SLC30A3: variants seen among roughly 807,000 people sequenced by gnomAD.
SLC30A3 encodes probable proton-coupled zinc antiporter SLC30A3.
A neutral mutation model predicts 35.6 loss-of-function variants in SLC30A3; 20 were observed. The observed-to-expected ratio is 0.56, with a 90% CI of 0.39 to 0.82. SLC30A3 has a LOEUF of 0.82. Ranked by LOEUF, SLC30A3 falls within the 40% of genes least tolerant of loss-of-function variation. The pLI, the probability that SLC30A3 is intolerant of heterozygous loss-of-function variation, is 0.00. For synonymous variants in SLC30A3, 217 were observed against 224.7 expected (o/e 0.97, Z 0.31); for missense variants, 401 against 530.6 (o/e 0.76, Z 2.40).
intron 1 of SLC30A3, among the ~76,000 whole-genome samples, chr2:27,272,557 G>A (rs1185686500): frequency 6.7e-6 from 1 of 149,606 alleles, no homozygotes. Context: ...GTAATGGCAC[G>A]ATCTCGGCTC....
chr2:27,258,859 C>T lies in SLC30A3; in HGVS notation c.171G>A (p.Arg57=). 1 of 1,614,092 alleles carries T rather than the reference C, an allele frequency of 6.2e-7. No individual in the cohort carries two copies. The stretch of plus-strand genomic sequence containing the variant: ...TAAGGCCCGGCGGCGGAAGGGGGTC[C>T]CTGTGGCAGTGGTGGAAGGGCATCT... The part of the protein sequence containing the change: ...PVEMPFHHCH[R]DPLPPPGLTP... The change falls in exon 2 of 8, where the codon AGG becomes AGA. Residue 57 remains arginine, a synonymous_variant. Transcript: ENST00000233535. The surrounding 1 kb of genome is among the most constrained non-coding windows in gnomAD (Gnocchi z 4.0).
At chr2:27,267,969 G>T (rs1436997200), upstream of SLC30A3, among the ~76,000 whole-genome samples, 1 of 150,850 alleles carries the variant, frequency 6.6e-6, no homozygotes, top group Non-Finnish European at 1.5e-5. Flanking sequence ...AAAAAACACT[G>T]AAACCTCTCC....
chr2:27,263,063 C>T (rs1322588997), upstream of SLC30A3: 9 of 1,359,844 alleles, frequency 6.6e-6, no homozygotes, highest in Non-Finnish European at 8.5e-6. Context: ...GCGCGGAGTC[C>T]GAACTGCAGA....
intron 6 of SLC30A3, 37 bp from the exon 7 acceptor site, chr2:27,256,557 T>C: frequency 6.2e-7 from 1 of 1,612,330 alleles, no homozygotes; most frequent in Non-Finnish European, 8.5e-7. Context: ...CTGCTAGGGC[T>C]ACTCCTGCCC....
At position 27,262,728 on chromosome 2, in the gene SLC30A3, G is replaced by A. The variant is rs898794444; in HGVS notation, c.95+84C>T. ...GCGGTGCGCTGGGGCGGCCGCCGGG[G>A]CCCGCGCCGAGAGAGACAACGAAAT... On this transcript the variant is annotated intron_variant, in intron 1 of 7. Coordinates refer to ENST00000233535, the MANE Select transcript of SLC30A3 (RefSeq NM_003459.5). The surrounding 1 kb of genome is among the most constrained non-coding windows in gnomAD (Gnocchi z 7.5). 39 of 1,329,526 alleles carry A rather than the reference G, an allele frequency of 2.9e-5. No individual in the cohort carries two copies. The highest frequency in any genetic ancestry group is 2.0e-4 in the African/African-American group (13 of 63,840). The allele number at this position is 1,329,526 out of a possible 1,614,324, so 82.4% of individuals were successfully genotyped here. A position where few individuals can be genotyped will look rare whatever the true frequency, so the allele number is the denominator to read the frequency against.
At position 27,257,217 on chromosome 2, in the gene SLC30A3, G is replaced by A. The variant is rs766058188; in HGVS notation, c.714C>T (p.His238=). 8.7e-6 allele frequency: 14 copies of A among 1,613,960 alleles called. No individual in the cohort carries two copies. Among genetic ancestry groups the A allele is most frequent in the African/African-American group, 8.0e-5 (6 of 74,888 alleles). ...GNTSVRAAFV[H]VLGDLLQSFG... ...AGCTCTGCAGGAGGTCCCCCAGCACGTGCACAAATGCCGCCCGGACGCTGG... is the reference window on the plus strand; with the variant it reads ...AGCTCTGCAGGAGGTCCCCCAGCACATGCACAAATGCCGCCCGGACGCTGG... The change falls in exon 5 of 8, where the codon CAC becomes CAT. Residue 238 remains histidine (H), a synonymous_variant. Coordinates refer to ENST00000233535, the MANE Select transcript of SLC30A3 (RefSeq NM_003459.5). The surrounding 1 kb of genome is among the most constrained non-coding windows in gnomAD (Gnocchi z 4.7).
chr2:27,264,333 A>G (rs1010407783), upstream of SLC30A3, among the ~76,000 whole-genome samples: 1 of 152,216 alleles, frequency 6.6e-6, no homozygotes, highest in African/African-American at 2.4e-5. The surrounding 1 kb of genome is among the most constrained non-coding windows in gnomAD (Gnocchi z 6.1). Context: ...CCAAGAGTGC[A>G]CTTGCAAAAA....
Position 27,254,923 on chromosome 2 carries a change from C to G in SLC30A3, c.*389G>C, listed in dbSNP as rs928935407. The G allele has an allele frequency of 3.1e-5, 16 of 516,156 alleles. No homozygotes were observed. In the African/African-American group the frequency reaches 3.2e-4, roughly 10 times the overall value. 32.0% of individuals were successfully genotyped at this position (516,156 alleles called of 1,614,324 possible). A position where few individuals can be genotyped will look rare whatever the true frequency, so the allele number is the denominator to read the frequency against. ...CCTCCCCCAGGCATAGGCACACCAA[C>G]AGCACATAGACAGGCAGATGCCCCC... is the stretch of plus-strand genomic sequence containing the variant. On this transcript the variant is annotated 3_prime_UTR_variant, in exon 8 of 8. Coordinates refer to ENST00000233535, the MANE Select transcript of SLC30A3 (RefSeq NM_003459.5).
intron 1 of SLC30A3, among the ~76,000 whole-genome samples, chr2:27,270,011 T>TGGTGGGTTAAACAGAAAGA (rs1677665850): frequency 6.6e-6 from 1 of 152,068 alleles, no homozygotes; most frequent in African/African-American, 2.4e-5. Context: ...AGAAGATAGT[T>TGGTGGGTTAAACAGAAAGA]GGTGGGTTAA....
chr2:27,259,990 G>A (rs1414435145), intron 1 of SLC30A3, among the ~76,000 whole-genome samples: 1 of 152,114 alleles, frequency 6.6e-6, no homozygotes, highest in Non-Finnish European at 1.5e-5. Context: ...CTTGAAGGAT[G>A]GGAAGGATTT....
chr2:27,256,159 C>A (rs750888427), intron 7 of SLC30A3: 27 of 567,240 alleles, frequency 4.8e-5, no homozygotes, highest in Non-Finnish European at 7.2e-5. Flanking sequence ...GAGGGTGAAA[C>A]TGCCCCCAGA....
In SLC30A3 at chr2:27,257,392, C is replaced by T. The variant is rs943657629; in HGVS notation, c.579-40G>A. 1.3e-6 allele frequency: 2 copies of T among 1,555,222 alleles called. No individual in the cohort carries two copies. Among genetic ancestry groups the T allele is most frequent in the Non-Finnish European group, 1.7e-6 (2 of 1,145,604 alleles). Reference sequence around the variant, plus strand: ...GAGCACCTCAGCCTAGGGCCCTGCTCCTGGCCTCCTATACCCCCATCTCCA... The same window carrying T: ...GAGCACCTCAGCCTAGGGCCCTGCTTCTGGCCTCCTATACCCCCATCTCCA... On this transcript the variant is annotated intron_variant, in intron 4 of 7. Coordinates refer to ENST00000233535, the MANE Select transcript of SLC30A3 (RefSeq NM_003459.5). This position sits in a 1 kb window ranked among gnomAD's most constrained non-coding sequence, Gnocchi z 4.7.
intron 1 of SLC30A3, among the ~76,000 whole-genome samples, chr2:27,261,187 G>A (rs188103657): frequency 1.3e-5 from 2 of 152,274 alleles, no homozygotes; most frequent in East Asian, 3.9e-4. Context: ...GTCAGGGGAG[G>A]GCTGAGGAGG....
chr2:27,258,543 C>G lies in SLC30A3; in HGVS notation c.277+210G>C. 1.5e-6 allele frequency: 1 copy of G among 666,698 alleles called. No individual in the cohort carries two copies. The highest frequency in any genetic ancestry group is 3.2e-5 in the Admixed American group (1 of 30,876). 41.3% of individuals were successfully genotyped at this position (666,698 alleles called of 1,614,324 possible). A position where few individuals can be genotyped will look rare whatever the true frequency, so the allele number is the denominator to read the frequency against. ...AAATAGGGTTTTTAAAAGAAGTCAG[C>G]CCTGACCTACTGGCCCCGGACCTCG... On this transcript the variant is annotated intron_variant, in intron 2 of 7. Transcript: ENST00000233535. This position sits in a 1 kb window ranked among gnomAD's most constrained non-coding sequence, Gnocchi z 4.0.
intron 1 of SLC30A3, among the ~76,000 whole-genome samples, chr2:27,273,298 A>C (rs773865669): frequency 1.3e-5 from 2 of 152,098 alleles, no homozygotes; most frequent in Non-Finnish European, 2.9e-5. Flanking sequence ...TCAAATAACT[A>C]ACAGGAAAGA....
Position 27,257,537 on chromosome 2 carries a change from G to A in SLC30A3, c.579-185C>T, listed in dbSNP as rs1028327961. 3.7e-5 allele frequency: 24 copies of A among 642,340 alleles called. No homozygotes were observed. Among genetic ancestry groups the A allele is most frequent in the South Asian group, 7.6e-5 (4 of 52,938 alleles). The allele number at this position is 642,340 out of a possible 1,614,324, so 39.8% of individuals were successfully genotyped here. On this transcript the variant is annotated intron_variant, in intron 4 of 7. Transcript: ENST00000233535. This position sits in a 1 kb window ranked among gnomAD's most constrained non-coding sequence, Gnocchi z 4.7. ...GACTTGGTGCCACACATGTGGATTC[G>A]GAAGCTGGCCCTGTTACTTAAATAG... is the stretch of plus-strand genomic sequence containing the variant.
chr2:27,270,338 G>GGT (rs1336946932), intron 1 of SLC30A3, among the ~76,000 whole-genome samples: 1 of 152,064 alleles, frequency 6.6e-6, no homozygotes, highest in Non-Finnish European at 1.5e-5. Flanking sequence ...GACTGGGGGC[G>GGT]GTGTTTTGGA....
Position 27,254,820 on chromosome 2 carries a change from G to C in SLC30A3, c.*492C>G, listed in dbSNP as rs1439309177. ...CACACAGACAAAACCACAGGGCTAA[G>C]ACACACGGACAAAGTGCGGGCTTTG... On this transcript the variant is annotated 3_prime_UTR_variant, in exon 8 of 8. Coordinates refer to ENST00000233535, the MANE Select transcript of SLC30A3 (RefSeq NM_003459.5). The C allele has an allele frequency of 3.4e-6, 1 of 291,598 alleles. No individual in the cohort carries two copies. The highest frequency in any genetic ancestry group is 2.2e-5 in the African/African-American group (1 of 44,446). The allele number at this position is 291,598 out of a possible 1,614,324, so 18.1% of individuals were successfully genotyped here.
rs182813830 is a variant in SLC30A3 at position 27,259,020 on chromosome 2, A to T, written c.96-86T>A. ...GTCCTTAGTCCCCAGTGCTGGCCTC[A>T]TCAGACCATCTCCTTCCCCAGGCCT... On this transcript the variant is annotated intron_variant, in intron 1 of 7. Transcript: ENST00000233535. The T allele has an allele frequency of 7.7e-4, 825 of 1,072,198 alleles. 2 individuals are homozygous for T. The African/African-American group carries it at 0.012, about 15-fold the overall frequency. The allele number at this position is 1,072,198 out of a possible 1,614,324, so 66.4% of individuals were successfully genotyped here.
Sources: gnomAD v4.1 joint callset for allele counts (sites outside exome capture counted in the v4.1 genomes callset) on GRCh38, gnomAD v4.1.1 for gene constraint, Gnocchi (gnomAD v3.1) non-coding constraint, MANE v1.5 for transcripts, NCBI Gene and HGNC (gene_info 2026-07-23, HGNC 2026-07-21) for gene names.